Variants in PLD6 observed in about 807,000 individuals in gnomAD.
PLD6 encodes phospholipase D family member 6, also known as mitochondrial cardiolipin hydrolase.
A neutral mutation model predicts 9.7 loss-of-function variants in PLD6; 10 were observed. The observed-to-expected ratio is 1.03, with a 90% CI of 0.64 to 1.75. The LOEUF (loss-of-function observed/expected upper bound fraction) is 1.75. PLD6 is among the 40% of genes most tolerant of loss of function. The pLI is 0.00. For missense variants in PLD6, 334 were observed against 347.6 expected (o/e 0.96, Z 0.31); for synonymous variants, 152 against 159.2 (o/e 0.96, Z 0.34).
rs551274091 is a variant in PLD6, at chr17:17,203,301, G to A, written c.428-203C>T. Among the ~76,000 whole-genome samples, 9 of 152,316 alleles carry A rather than the reference G, an allele frequency of 5.9e-5. No homozygotes were observed. The South Asian group carries it at 6.2e-4, about 11-fold the overall frequency. On this transcript the variant is annotated intron_variant, in intron 1 of 1. Coordinates refer to ENST00000321560, the MANE Select transcript of PLD6 (RefSeq NM_178836.4). ...GGGACATCACACACAGGGCCAGAGC[G>A]TCACACACAGGCTATGGGGGACTGG...
chr17:17,202,950 G>A lies in PLD6; in HGVS notation c.576C>T (p.Asp192=), dbSNP rs150565127. Residue 192 remains aspartate (D), a synonymous_variant, in exon 2 of 2, where the codon GAC becomes GAT. Coordinates refer to ENST00000321560, the MANE Select transcript of PLD6 (RefSeq NM_178836.4). ...CTTCCAGAAAAAGCCGCACGTACTCGTCGTCCTCCGTGATGAGAACATTCT... is the reference window on the plus strand; with the variant it reads ...CTTCCAGAAAAAGCCGCACGTACTCATCGTCCTCCGTGATGAGAACATTCT... ...NRENVLITED[D]EYVRLFLEEF... 60 of 1,614,150 alleles carry A rather than the reference G, an allele frequency of 3.7e-5. No homozygotes were observed. Among genetic ancestry groups the A allele is most frequent in the African/African-American group, 2.0e-4 (15 of 75,048 alleles).
chr17:17,202,715 C>T lies in PLD6; in HGVS notation c.*52G>A. On this transcript the variant is annotated 3_prime_UTR_variant, in exon 2 of 2. Transcript: ENST00000321560. Reference sequence around the variant, plus strand: ...GATTTTTTTCTAGTGCCGAGGTCTCCCTCCCTCAGAACGCACAGCAGCCCG... The same window carrying T: ...GATTTTTTTCTAGTGCCGAGGTCTCTCTCCCTCAGAACGCACAGCAGCCCG... The T allele has an allele frequency of 6.6e-7, 1 of 1,521,304 alleles. No homozygotes were observed. The highest frequency in any genetic ancestry group is 2.3e-5 in the East Asian group (1 of 44,092). 94.2% of individuals were successfully genotyped at this position (1,521,304 alleles called of 1,614,324 possible).
chr17:17,204,530 AGGGGAC>A, intron 1 of PLD6: 1 of 152,314 alleles, frequency 6.6e-6, no homozygotes, highest in Non-Finnish European at 1.5e-5. Context: ...ACTGGCACAG[AGGGGAC>A]ATTCCTTGAA....
In PLD6 at chr17:17,203,180, CTA is replaced by C. The variant is rs1199323240; in HGVS notation, c.428-84_428-83del. The C allele has an allele frequency of 2.1e-5, 30 of 1,396,314 alleles. No homozygotes were observed. The South Asian group carries it at 2.5e-4, about 12-fold the overall frequency. 86.5% of individuals were successfully genotyped at this position (1,396,314 alleles called of 1,614,324 possible). ...CTGTTCCTGGGGGCTACTGGCTTTA[CTA>C]TATGTTTCCAGTTTGGTGGGCCAGG... is the stretch of plus-strand genomic sequence containing the variant. On this transcript the variant is annotated intron_variant, in intron 1 of 1. Transcript: ENST00000321560.
chr17:17,206,151 ACGGGAAGAACAGCGCCTCG>A lies in PLD6; in HGVS notation c.117_135del (p.Glu40LeufsTer3). On this transcript the variant is annotated frameshift_variant, in exon 1 of 2. Coordinates refer to ENST00000321560, the MANE Select transcript of PLD6 (RefSeq NM_178836.4). LOFTEE classifies it high-confidence loss of function. ...AGGGCCTCGGTACAGGTCACCTGAG[ACGGGAAGAACAGCGCCTCG>A]CGCCGCGGCCGCCGCCGCCTGGACC... is the stretch of plus-strand genomic sequence containing the variant. 6.6e-7 allele frequency: 1 copy of A among 1,504,152 alleles called. No individual in the cohort carries two copies. The highest frequency in any genetic ancestry group is 8.8e-7 in the Non-Finnish European group (1 of 1,133,624). The allele number at this position is 1,504,152 out of a possible 1,614,324, so 93.2% of individuals were successfully genotyped here. A position where few individuals can be genotyped will look rare whatever the true frequency, so the allele number is the denominator to read the frequency against.
intron 1 of PLD6, 86 bp downstream of exon 1, chr17:17,205,774 A>T: frequency 1.8e-5 from 25 of 1,385,900 alleles, no homozygotes; most frequent in East Asian, 5.2e-5. Context: ...CCGTCCCCAG[A>T]CCCCCTCCCC....
At chr17:17,205,788 G>A in intron 1 of PLD6, 72 bp downstream of exon 1, 1 of 1,496,172 alleles carries the variant, frequency 6.7e-7, no homozygotes, top group Admixed American at 2.0e-5. Flanking sequence ...CCTCCCCTAA[G>A]TGTCCACCTT....
At chr17:17,205,006 G>A (rs2046704817) in intron 1 of PLD6, among the ~76,000 whole-genome samples, 1 of 152,152 alleles carries the variant, frequency 6.6e-6, no homozygotes, top group Non-Finnish European at 1.5e-5. Flanking sequence ...CGGTCACTGC[G>A]ACCACCAGTA....
chr17:17,205,846 C>A lies in PLD6; in HGVS notation c.427+14G>T, dbSNP rs775072908. The A allele has an allele frequency of 6.4e-7, 1 of 1,557,358 alleles. No individual in the cohort carries two copies. The highest frequency in any genetic ancestry group is 1.9e-5 in the Admixed American group (1 of 51,884). On this transcript the variant is annotated intron_variant, in intron 1 of 1. Coordinates refer to ENST00000321560, the MANE Select transcript of PLD6 (RefSeq NM_178836.4). ...CCAAGCCGGCCTTCTCCGCTTGGAC[C>A]CCGCCGGGCCTACCTGCCTTGCGCA...
rs762454262 is a variant in PLD6, at chr17:17,203,091, C to T, written c.435G>A (p.Gln145=). 2 of 1,613,036 alleles carry T rather than the reference C, an allele frequency of 1.2e-6. No individual in the cohort carries two copies. Among genetic ancestry groups the T allele is most frequent in the South Asian group, 1.1e-5 (1 of 91,056 alleles). Residue 145 remains glutamine (Q), a synonymous_variant, in exon 2 of 2, where the codon CAG becomes CAA. Coordinates refer to ENST00000321560, the MANE Select transcript of PLD6 (RefSeq NM_178836.4). ...AGCCTGGGTCTTGATCGTGCCGGAC[C>T]TGGATCCCTGCAGAAAGGACAAGGT... The part of the protein sequence containing the change: ...QIGLLRKAGI[Q]VRHDQDPGYM...
chr17:17,204,380 A>T (rs114029654), intron 1 of PLD6: 1 of 152,622 alleles, frequency 6.6e-6, no homozygotes, highest in Admixed American at 6.5e-5. Flanking sequence ...CTCCCACACC[A>T]CTGCCTCCTT....
Position 17,206,229 on chromosome 17 carries a change from GA to G in PLD6, c.57del (p.Leu20TrpfsTer29). On this transcript the variant is annotated frameshift_variant, in exon 1 of 2. Coordinates refer to ENST00000321560, the MANE Select transcript of PLD6 (RefSeq NM_178836.4). LOFTEE classifies it high-confidence loss of function. ...CGCAGCACCCAAGGCAGCGCCTCCA[GA>G]GTCAGAGCCAGGCCCACAGCCGCCG... is the stretch of plus-strand genomic sequence containing the variant. ...AAAAAVGLAL[T>X]LEALPWVLRW... 6.5e-7 allele frequency: 1 copy of G among 1,545,324 alleles called. No homozygotes were observed. The highest frequency in any genetic ancestry group is 8.6e-7 in the Non-Finnish European group (1 of 1,156,724).
In PLD6 at chr17:17,206,013, C is replaced by T; in HGVS notation, c.274G>A (p.Ala92Thr). 6.5e-7 allele frequency: 1 copy of T among 1,544,702 alleles called. No individual in the cohort carries two copies. ...RLLRALLAARASLDLCLFAFS... is the reference protein window; with the variant it reads ...RLLRALLAARTSLDLCLFAFS... ...GCGAACAGGCAGAGATCCAGGCTGG[C>T]GCGGGCGGCCAGCAGGGCACGCAGC... The change falls in exon 1 of 2, where the codon GCC becomes ACC. Residue 92 changes from alanine (A) to threonine (T), a missense_variant. Transcript: ENST00000321560.
chr17:17,202,881 G>A lies in PLD6; in HGVS notation c.645C>T (p.Thr215=). The A allele has an allele frequency of 6.2e-7, 1 of 1,614,112 alleles. No individual in the cohort carries two copies. Among genetic ancestry groups the A allele is most frequent in the Non-Finnish European group, 8.5e-7 (1 of 1,180,022 alleles). Residue 215 remains threonine (T), a synonymous_variant, in exon 2 of 2, where the codon ACC becomes ACT. Coordinates refer to ENST00000321560, the MANE Select transcript of PLD6 (RefSeq NM_178836.4). ...CGTGACTTTTCTTTGGTGGGAAAAAGGTATACTTTGTAGGGTTAAACTGTT... is the reference window on the plus strand; with the variant it reads ...CGTGACTTTTCTTTGGTGGGAAAAAAGTATACTTTGTAGGGTTAAACTGTT... ...IWEQFNPTKY[T]FFPPKKSHGS...
At chr17:17,205,677 G>C (rs78767068) in intron 1 of PLD6, among the ~76,000 whole-genome samples, 183 bp downstream of exon 1, 4,202 of 152,304 alleles carry the variant, frequency 0.028, 81 homozygotes, top group African/African-American at 0.048. Context: ...CACGCAGCCG[G>C]CTAGACCTTC....
intron 1 of PLD6, 116 bp downstream of exon 1, chr17:17,205,744 A>G: frequency 8.3e-7 from 1 of 1,201,138 alleles, no homozygotes; most frequent in Non-Finnish European, 1.1e-6. Flanking sequence ...GGCCACGAGG[A>G]AAGTAAATGA....
rs2046715282 is a variant in PLD6, at chr17:17,205,910, C to G, written c.377G>C (p.Cys126Ser). ...RGVRVRVVTD[C>S]DYMALNGSQI... The stretch of plus-strand genomic sequence containing the variant: ...CGAGCCGTTGAGGGCCATGTAGTCG[C>G]AGTCGGTGACGACCCGCACTCGCAC... The change falls in exon 1 of 2, where the codon TGC (cysteine) becomes TCC (serine). Residue 126 changes from cysteine (C) to serine (S), a missense_variant. Physicochemically the swap from Cys to Ser is moderately radical, Grantham distance 112. Coordinates refer to ENST00000321560, the MANE Select transcript of PLD6 (RefSeq NM_178836.4). The G allele has an allele frequency of 6.4e-7, 1 of 1,573,284 alleles. No homozygotes were observed. The highest frequency in any genetic ancestry group is 1.3e-5 in the African/African-American group (1 of 74,222).
Position 17,202,844 on chromosome 17 carries a change from G to C in PLD6, c.682C>G (p.Pro228Ala), listed in dbSNP as rs367622629. The C allele has an allele frequency of 1.2e-6, 2 of 1,614,160 alleles. No individual in the cohort carries two copies. The highest frequency in any genetic ancestry group is 1.7e-6 in the Non-Finnish European group (2 of 1,180,026). ...PPKKSHGSCA[P>A]PVSRAGGRLL... ...CTCCCTCCAGCTCTGGAGACAGGTG[G>C]GGCACAGCTTCCGTGACTTTTCTTT... The change falls in exon 2 of 2, where the codon CCA becomes GCA. Residue 228 changes from proline to alanine, a missense_variant. Transcript: ENST00000321560.
At chr17:17,204,927 G>C (rs1397910740) in intron 1 of PLD6, among the ~76,000 whole-genome samples, 1 of 152,186 alleles carries the variant, frequency 6.6e-6, no homozygotes, top group Non-Finnish European at 1.5e-5. Flanking sequence ...GGCTATGGCT[G>C]TGCAGAAGGA....
Sources: gnomAD v4.1 joint callset for allele counts (sites outside exome capture counted in the v4.1 genomes callset) on GRCh38, gnomAD v4.1.1 for gene constraint, MANE v1.5 for transcripts, NCBI Gene and HGNC (gene_info 2026-07-23, HGNC 2026-07-21) for gene names.